Variants in AGAP1 observed in about 807,000 individuals in gnomAD.
AGAP1 encodes the protein ArfGAP with GTPase domain, ankyrin repeat and PH domain 1, also known as arf-GAP with GTPase, ANK repeat and PH domain-containing protein 1.
Under a neutral mutation model 105.3 loss-of-function variants are expected in AGAP1, and 29 were observed. That is an observed-to-expected ratio of 0.28 (90% CI 0.21 to 0.38). The LOEUF is 0.38. Among genes scored for constraint, AGAP1 ranks in the 10% least tolerant of loss-of-function variants. AGAP1 has a pLI of 1.00. For synonymous variants in AGAP1, 509 were observed against 485.9 expected (o/e 1.05, Z -0.63); for missense variants, 998 against 1,165.1 (o/e 0.86, Z 2.09).
At position 235,578,640 on chromosome 2, in the gene AGAP1, C is replaced by G. The variant is rs977650100; in HGVS notation, c.163+83791C>G. 6.6e-6 allele frequency among the ~76,000 whole-genome samples: 1 copy of G among 151,978 alleles called. No homozygotes were observed. Among genetic ancestry groups the G allele is most frequent in the Non-Finnish European group, 1.5e-5 (1 of 68,002 alleles). On this transcript the variant is annotated intron_variant, in intron 1 of 17. Coordinates refer to ENST00000304032, the MANE Select transcript of AGAP1 (RefSeq NM_001037131.3). This position sits in a 1 kb window ranked among gnomAD's most constrained non-coding sequence, Gnocchi z 4.9. Reference sequence around the variant, plus strand: ...TCTACTAAAAATACAAAAAAATTAGCTGGATGTGGTGGTGTGCACCTGTAA... The same window carrying G: ...TCTACTAAAAATACAAAAAAATTAGGTGGATGTGGTGGTGTGCACCTGTAA...
Position 235,961,114 on chromosome 2 carries a change from C to T in AGAP1, c.1484-7348C>T, listed in dbSNP as rs2054165739. Among the ~76,000 whole-genome samples the T allele has an allele frequency of 6.6e-6, 1 of 152,194 alleles. No homozygotes were observed. The highest frequency in any genetic ancestry group is 6.5e-5 in the Admixed American group (1 of 15,286). ...AGAGGATGAGCGAAGGCCTGCCTTC[C>T]TGAAGCTCGAGCGCTCATAGGGAAG... On this transcript the variant is annotated intron_variant, in intron 12 of 17. Transcript: ENST00000304032. This position sits in a 1 kb window ranked among gnomAD's most constrained non-coding sequence, Gnocchi z 5.9.
In AGAP1 at chr2:235,879,318, G is replaced by T. The variant is rs2049896630; in HGVS notation, c.1051-4027G>T. ...CCCAGCTAGACCACAGCCATGACAT[G>T]GCAAGCGGGGCAGCCAAGTGGCTCT... On this transcript the variant is annotated intron_variant, in intron 9 of 17. Transcript: ENST00000304032. The surrounding 1 kb of genome is among the most constrained non-coding windows in gnomAD (Gnocchi z 5.0). Among the ~76,000 whole-genome samples the T allele has an allele frequency of 6.6e-6, 1 of 152,208 alleles. No homozygotes were observed.
In AGAP1 at chr2:235,789,494, A is replaced by G. The variant is rs1575470497; in HGVS notation, c.674-8265A>G. Among the ~76,000 whole-genome samples the G allele has an allele frequency of 6.6e-6, 1 of 151,900 alleles. No homozygotes were observed. The highest frequency in any genetic ancestry group is 1.5e-5 in the Non-Finnish European group (1 of 68,036). ...CAACGAGATAAAAAGAATACAGACA[A>G]GAACTGAATTTCAGATTAAGAATTC... On this transcript the variant is annotated intron_variant, in intron 6 of 17. Transcript: ENST00000304032. This position sits in a 1 kb window ranked among gnomAD's most constrained non-coding sequence, Gnocchi z 4.2.
At chr2:235,597,257 G>C (rs1001150627) in intron 1 of AGAP1, among the ~76,000 whole-genome samples, 1 of 152,244 alleles carries the variant, frequency 6.6e-6, no homozygotes, top group Non-Finnish European at 1.5e-5. Flanking sequence ...GAGGTGCTCA[G>C]GACGTGTGGA....
chr2:235,793,537 T>C lies in AGAP1; in HGVS notation c.674-4222T>C, dbSNP rs962463276. Among the ~76,000 whole-genome samples, 3 of 152,084 alleles carry C rather than the reference T, an allele frequency of 2.0e-5. No individual in the cohort carries two copies. The highest frequency in any genetic ancestry group is 1.3e-4 in the Admixed American group (2 of 15,274). ...AGCAGTCCCAGAGCCGTCGGATTGC[T>C]CTGGTGCACTTGCTGCCTGGTTTTT... On this transcript the variant is annotated intron_variant, in intron 6 of 17. Coordinates refer to ENST00000304032, the MANE Select transcript of AGAP1 (RefSeq NM_001037131.3). The surrounding 1 kb of genome is among the most constrained non-coding windows in gnomAD (Gnocchi z 5.3).
At chr2:235,776,373 G>A (rs12468185) in intron 6 of AGAP1, among the ~76,000 whole-genome samples, 4 of 151,858 alleles carry the variant, frequency 2.6e-5, no homozygotes, top group East Asian at 3.9e-4. Context: ...TCAGCCTCCT[G>A]CTTCTGTATC....
In AGAP1 at chr2:236,042,210, G is replaced by T. The variant is rs189792903; in HGVS notation, c.1891+1369G>T. On this transcript the variant is annotated intron_variant, in intron 15 of 17. Coordinates refer to ENST00000304032, the MANE Select transcript of AGAP1 (RefSeq NM_001037131.3). This position sits in a 1 kb window ranked among gnomAD's most constrained non-coding sequence, Gnocchi z 5.6. ...AGCAGGGAGGAGGCCAGCCAGGGTC[G>T]GCTTGGCCGGGAAGGGAGACAGGAG... Among the ~76,000 whole-genome samples, 58 of 152,178 alleles carry T rather than the reference G, an allele frequency of 3.8e-4. No individual in the cohort carries two copies. Among genetic ancestry groups the T allele is most frequent in the African/African-American group, 1.3e-3 (56 of 41,516 alleles).
In AGAP1 at chr2:235,642,492, C is replaced by T. The variant is rs2103280; in HGVS notation, c.164-66687C>T. On this transcript the variant is annotated intron_variant, in intron 1 of 17. Coordinates refer to ENST00000304032, the MANE Select transcript of AGAP1 (RefSeq NM_001037131.3). This position sits in a 1 kb window ranked among gnomAD's most constrained non-coding sequence, Gnocchi z 4.1. ...ATGGGGATTTGGGTCTTGGTTTTGC[C>T]AGCACTCCCAGTGGACAGTCATGCC... Among the ~76,000 whole-genome samples the T allele has an allele frequency of 0.66, 100,726 of 152,016 alleles. 33,635 individuals are homozygous for T. The highest frequency in any genetic ancestry group is 0.75 in the East Asian group (3,879 of 5,150).
At chr2:235,854,489 G>T (rs897219861) in intron 9 of AGAP1, among the ~76,000 whole-genome samples, 1 of 152,226 alleles carries the variant, frequency 6.6e-6, no homozygotes, top group Non-Finnish European at 1.5e-5. Context: ...TCACAGAGGT[G>T]GGGGAGGATG....
Position 235,865,334 on chromosome 2 carries a change from G to A in AGAP1, c.1051-18011G>A, listed in dbSNP as rs754941582. The stretch of plus-strand genomic sequence containing the variant: ...ACGCGGCTAATGACAGGAAGGTCGC[G>A]CGGGTGAGCTGACCTGTGTGTGGCG... On this transcript the variant is annotated intron_variant, in intron 9 of 17. Coordinates refer to ENST00000304032, the MANE Select transcript of AGAP1 (RefSeq NM_001037131.3). This position sits in a 1 kb window ranked among gnomAD's most constrained non-coding sequence, Gnocchi z 6.2. 6.6e-6 allele frequency among the ~76,000 whole-genome samples: 1 copy of A among 152,172 alleles called. No individual in the cohort carries two copies. Among genetic ancestry groups the A allele is most frequent in the Non-Finnish European group, 1.5e-5 (1 of 68,046 alleles).
In AGAP1 at chr2:235,827,429, C is replaced by T. The variant is rs535750862; in HGVS notation, c.1050+20098C>T. 2.4e-3 allele frequency among the ~76,000 whole-genome samples: 363 copies of T among 152,246 alleles called. 3 individuals carry two copies. Among genetic ancestry groups the T allele is most frequent in the African/African-American group, 8.3e-3 (343 of 41,562 alleles). Reference sequence around the variant, plus strand: ...AGCTCCAAGGTGATGAATATTTCTACTTGATATTTCTCCTGGTATTTCTGC... The same window carrying T: ...AGCTCCAAGGTGATGAATATTTCTATTTGATATTTCTCCTGGTATTTCTGC... On this transcript the variant is annotated intron_variant, in intron 9 of 17. Transcript: ENST00000304032.
At chr2:235,558,367 G>T (rs137973606) in intron 1 of AGAP1, among the ~76,000 whole-genome samples, 4 of 152,002 alleles carry the variant, frequency 2.6e-5, no homozygotes, top group African/African-American at 7.2e-5. Context: ...CTTGGTTTTG[G>T]TTTCCCTGTC....
intron 9 of AGAP1, among the ~76,000 whole-genome samples, chr2:235,839,323 A>G (rs909481818): frequency 6.6e-6 from 1 of 152,206 alleles, no homozygotes; most frequent in African/African-American, 2.4e-5. Context: ...GCAGGCACAC[A>G]TACACACGCA....
rs1559341347 is a variant in AGAP1 at position 235,679,936 on chromosome 2, T to C, written c.164-29243T>C. ...TCAAATATTTAGGTTTCTAATATGATGCGAATGGTGTTACGTGGATCTGTG... is the reference window on the plus strand; with the variant it reads ...TCAAATATTTAGGTTTCTAATATGACGCGAATGGTGTTACGTGGATCTGTG... On this transcript the variant is annotated intron_variant, in intron 1 of 17. Coordinates refer to ENST00000304032, the MANE Select transcript of AGAP1 (RefSeq NM_001037131.3). Among the ~76,000 whole-genome samples the C allele has an allele frequency of 2.6e-5, 4 of 152,248 alleles. No individual in the cohort carries two copies. The South Asian group carries it at 8.3e-4, about 31-fold the overall frequency.
intron 13 of AGAP1, among the ~76,000 whole-genome samples, chr2:235,985,671 G>A (rs937906404): frequency 3.3e-5 from 5 of 152,146 alleles, no homozygotes; most frequent in Non-Finnish European, 7.4e-5. Context: ...CATATGGCTA[G>A]CCAGTTTTCC....
At chr2:235,515,095 C>A (rs950452669) in intron 1 of AGAP1, among the ~76,000 whole-genome samples, 1 of 152,172 alleles carries the variant, frequency 6.6e-6, no homozygotes, top group Non-Finnish European at 1.5e-5. Flanking sequence ...TGGTCTTTGC[C>A]TTTTAGAACT....
intron 1 of AGAP1, among the ~76,000 whole-genome samples, chr2:235,506,178 G>A (rs989137685): frequency 1.3e-5 from 2 of 151,428 alleles, no homozygotes; most frequent in East Asian, 2.0e-4. Context: ...TGATCTACCC[G>A]CCTTGGCCTC....
intron 8 of AGAP1, among the ~76,000 whole-genome samples, chr2:235,800,453 T>A (rs984946714): frequency 1.3e-5 from 2 of 152,116 alleles, no homozygotes; most frequent in Non-Finnish European, 2.9e-5. Context: ...AGAGAATCTC[T>A]GAGCTACAGA....
chr2:235,968,494 C>T lies in AGAP1; in HGVS notation c.1516C>T (p.Pro506Ser). ...TGLGDSVCSS[P>S]SISSTTSPKL... is the part of the protein sequence containing the mutation. ...GCTGGGTGACTCCGTATGCTCCAGC[C>T]CCAGTATCTCCAGCACCACCAGCCC... Residue 506 changes from proline to serine, a missense_variant, in exon 13 of 18, where the codon CCC becomes TCC. Pro to Ser is a moderately conservative substitution (Grantham distance 74). This residue lies in a region of AGAP1 where 735 missense variants were observed against 833.4 expected (regional missense o/e 0.88). Coordinates refer to ENST00000304032, the MANE Select transcript of AGAP1 (RefSeq NM_001037131.3). 6.2e-7 allele frequency: 1 copy of T among 1,611,802 alleles called. No homozygotes were observed. Among genetic ancestry groups the T allele is most frequent in the Non-Finnish European group, 8.5e-7 (1 of 1,179,170 alleles).
Sources: gnomAD v4.1 joint callset for allele counts (sites outside exome capture counted in the v4.1 genomes callset) on GRCh38, gnomAD v4.1.1 for gene constraint, gnomAD v4.1.1 regional missense constraint, Gnocchi (gnomAD v3.1) non-coding constraint, MANE v1.5 for transcripts, NCBI Gene and HGNC (gene_info 2026-07-23, HGNC 2026-07-21) for gene names.